DPP10: variants seen among roughly 807,000 people sequenced by gnomAD.
The protein encoded by DPP10 is inactive dipeptidyl peptidase 10.
Under a neutral mutation model 120.9 loss-of-function variants are expected in DPP10, and 33 were observed. The observed-to-expected ratio is 0.27, with a 90% confidence interval of 0.21 to 0.37. The LOEUF is 0.37. Ranked by LOEUF, DPP10 falls within the 10% of genes least tolerant of loss-of-function variation. The pLI, the probability that DPP10 is intolerant of heterozygous loss-of-function variation, is 1.00. For synonymous variants in DPP10, 337 were observed against 326.1 expected, an observed-to-expected ratio of 1.03 and a Z score of -0.36; for missense variants, 816 against 942.8, an observed-to-expected ratio of 0.87 and a Z score of 1.76.
chr2:115,828,073 T>A (rs944962298), intron 21 of DPP10, among the ~76,000 whole-genome samples: 42 of 152,110 alleles, frequency 2.8e-4, no homozygotes, highest in African/African-American at 9.7e-4. Context: ...ACTCCAGGTG[T>A]GCAAGTAGTA....
At chr2:115,460,943 G>A (rs1349735223) in intron 3 of DPP10, among the ~76,000 whole-genome samples, 1 of 152,158 alleles carries the variant, frequency 6.6e-6, no homozygotes, top group Non-Finnish European at 1.5e-5. Flanking sequence ...AGTCAGAGAA[G>A]TGACAATTTC....
chr2:115,447,158 T>G (rs1343194771), intron 3 of DPP10, among the ~76,000 whole-genome samples: 4 of 152,158 alleles, frequency 2.6e-5, no homozygotes, highest in Non-Finnish European at 4.4e-5. Context: ...TCAAAGGAGC[T>G]TTAAGATTTA....
chr2:114,450,212 G>A (rs565078700), intron 1 of DPP10, among the ~76,000 whole-genome samples: 2 of 152,122 alleles, frequency 1.3e-5, no homozygotes, highest in South Asian at 2.1e-4. Flanking sequence ...CCCAAAAATG[G>A]TTCTTTTAGC....
At chr2:115,466,873 A>G (rs2074359444) in intron 3 of DPP10, among the ~76,000 whole-genome samples, 1 of 152,304 alleles carries the variant, frequency 6.6e-6, no homozygotes, top group East Asian at 1.9e-4. Flanking sequence ...GTGATACTAA[A>G]GAGATGGCCT....
At chr2:115,807,710 A>G (rs1169211778) in intron 19 of DPP10, among the ~76,000 whole-genome samples, 1 of 151,976 alleles carries the variant, frequency 6.6e-6, no homozygotes, top group Non-Finnish European at 1.5e-5. Flanking sequence ...GAAAAAAGGG[A>G]CAAGTAGGAG....
intron 4 of DPP10, among the ~76,000 whole-genome samples, chr2:115,513,058 C>T (rs963924531): frequency 6.6e-6 from 1 of 151,856 alleles, no homozygotes; most frequent in Non-Finnish European, 1.5e-5. Context: ...TTTGTGAGCT[C>T]TATTATTATG....
At chr2:114,614,735 C>T (rs568669270) in intron 1 of DPP10, among the ~76,000 whole-genome samples, 1 of 152,268 alleles carries the variant, frequency 6.6e-6, no homozygotes. Flanking sequence ...TATGTATACA[C>T]ATTTGTTGTT....
At chr2:114,804,553 C>T (rs1039044215) in intron 1 of DPP10, among the ~76,000 whole-genome samples, 4 of 152,178 alleles carry the variant, frequency 2.6e-5, no homozygotes, top group African/African-American at 7.2e-5. Flanking sequence ...CTTGCATCAG[C>T]GTGACCTGGA....
intron 1 of DPP10, among the ~76,000 whole-genome samples, chr2:115,270,109 C>CACACACACAG (rs2059632058): frequency 7.1e-6 from 1 of 140,374 alleles, no homozygotes; most frequent in Non-Finnish European, 1.6e-5. Flanking sequence ...CACACACACA[C>CACACACACAG]ACACAGACAC....
At position 115,376,956 on chromosome 2, in the gene DPP10, G is replaced by A. The variant is rs527808744; in HGVS notation, c.271+33044G>A. On this transcript the variant is annotated intron_variant, in intron 3 of 25. Transcript: ENST00000410059. ...TTTCTTAATCCAGTCTATCATTGTT[G>A]GACATTTGGGTTGGTTCCAAGTCTT... 6.2e-4 allele frequency among the ~76,000 whole-genome samples: 91 copies of A among 147,170 alleles called. 1 individual carries two copies. The Middle Eastern group carries it at 0.017, about 28-fold the overall frequency.
At chr2:115,298,759 G>A (rs531809625) in intron 1 of DPP10, among the ~76,000 whole-genome samples, 21 of 152,126 alleles carry the variant, frequency 1.4e-4, no homozygotes, top group African/African-American at 4.8e-4. Flanking sequence ...CTGTGATGGG[G>A]CTGAATAATT....
intron 1 of DPP10, among the ~76,000 whole-genome samples, chr2:114,862,530 A>G (rs548887148): frequency 1.3e-5 from 2 of 152,312 alleles, no homozygotes; most frequent in South Asian, 4.1e-4. Context: ...AAACATTCCA[A>G]TTAAAATGGT....
intron 3 of DPP10, among the ~76,000 whole-genome samples, chr2:115,454,056 C>G (rs1294284033): frequency 6.6e-6 from 1 of 151,488 alleles, no homozygotes; most frequent in Non-Finnish European, 1.5e-5. Flanking sequence ...ATGAATAAAA[C>G]TATAAAATTG....
At chr2:115,004,233 A>G (rs1701648720) in intron 1 of DPP10, among the ~76,000 whole-genome samples, 1 of 152,242 alleles carries the variant, frequency 6.6e-6, no homozygotes. Context: ...TAAAAGAAAT[A>G]AGACGTGGTG....
chr2:114,750,415 A>G (rs1330586092), intron 1 of DPP10, among the ~76,000 whole-genome samples: 4 of 151,738 alleles, frequency 2.6e-5, no homozygotes, highest in Non-Finnish European at 5.9e-5. Context: ...CTCACTGCAA[A>G]CTCTGCCTCC....
chr2:115,525,985 T>C lies in DPP10; in HGVS notation c.441+13T>C. 2 of 1,588,970 alleles carry C rather than the reference T, an allele frequency of 1.3e-6. No homozygotes were observed. Among genetic ancestry groups the C allele is most frequent in the Non-Finnish European group, 8.6e-7 (1 of 1,165,038 alleles). ...TGATGTCAAACAGGTAAAGGAGTGA[T>C]CTTCTTTGAGAATACTTTTCTTTGT... is the stretch of plus-strand genomic sequence containing the variant. On this transcript the variant is annotated intron_variant, in intron 5 of 25. Transcript: ENST00000410059.
At position 115,372,955 on chromosome 2, in the gene DPP10, TAGTC is replaced by T. The variant is rs553025561; in HGVS notation, c.271+29047_271+29050del. ...TCCCTCAAGGAATTTATGGAAAACA[TAGTC>T]AGTTGTTGATGCTGTCAAGTTATTG... is the stretch of plus-strand genomic sequence containing the variant. On this transcript the variant is annotated intron_variant, in intron 3 of 25. Transcript: ENST00000410059. 3.7e-3 allele frequency among the ~76,000 whole-genome samples: 556 copies of T among 152,290 alleles called. 1 individual carries two copies. Among genetic ancestry groups the T allele is most frequent in the Admixed American group, 7.8e-3 (119 of 15,290 alleles).
rs182392981 is a variant in DPP10, at chr2:114,998,280, G to A, written c.61-310959G>A. ...CTCGGACTTCCAAAATAAATTGGTG[G>A]GCATTATTGATGTTTTATTTCTCTG... On this transcript the variant is annotated intron_variant, in intron 1 of 25. Transcript: ENST00000410059. Among the ~76,000 whole-genome samples, 143 of 152,102 alleles carry A rather than the reference G, an allele frequency of 9.4e-4. 2 individuals are homozygous for A. The highest frequency in any genetic ancestry group is 3.3e-3 in the African/African-American group (138 of 41,502).
At chr2:115,608,845 A>G (rs560791487) in intron 5 of DPP10, among the ~76,000 whole-genome samples, 7 of 152,284 alleles carry the variant, frequency 4.6e-5, no homozygotes, top group African/African-American at 1.7e-4. Flanking sequence ...TATCAAAAGG[A>G]ACATAGAATC....
Sources: allele counts gnomAD v4.1 joint callset (sites outside exome capture counted in the v4.1 genomes callset), GRCh38; gene constraint gnomAD v4.1.1; transcripts MANE v1.5; gene names NCBI Gene and HGNC (gene_info 2026-07-23, HGNC 2026-07-21).